GPHN: variants seen among roughly 807,000 people sequenced by gnomAD.
GPHN encodes the protein gephyrin.
GPHN carries 17 observed loss-of-function variants against 95.5 expected under a neutral mutation model. That is an observed-to-expected ratio of 0.18 (90% CI 0.12 to 0.27). The LOEUF (loss-of-function observed/expected upper bound fraction) is 0.27, where lower values mean the gene tolerates loss of function less well. GPHN is among the 10% of genes least tolerant of loss of function. The pLI is 1.00. For synonymous variants in GPHN, 320 were observed against 322.5 expected (o/e 0.99, Z 0.08); for missense variants, 660 against 978.1 (o/e 0.67, Z 4.34).
the GPHN span, among the ~76,000 whole-genome samples, chr14:67,497,354 C>T: frequency 1.3e-5 from 2 of 152,072 alleles, no homozygotes; most frequent in Admixed American, 1.3e-4. Flanking sequence ...ATACAAATAC[C>T]GAGACACTGT....
intron 4 of GPHN, among the ~76,000 whole-genome samples, chr14:66,859,037 C>T (rs958413273): frequency 2.2e-4 from 33 of 152,172 alleles, no homozygotes; most frequent in Middle Eastern, 3.4e-3. Flanking sequence ...TCCAGTCCCT[C>T]GCTCCCAGAC....
intron 16 of GPHN, among the ~76,000 whole-genome samples, chr14:67,119,066 G>T (rs965888192): frequency 1.3e-5 from 2 of 152,138 alleles, no homozygotes; most frequent in Non-Finnish European, 2.9e-5. Flanking sequence ...GTCGGAATTT[G>T]TAAAATAGGT....
chr14:67,548,967 C>T, the GPHN span, among the ~76,000 whole-genome samples: 2 of 152,164 alleles, frequency 1.3e-5, no homozygotes, highest in Non-Finnish European at 2.9e-5. Flanking sequence ...ATGGATGTTG[C>T]TCCTTCCACC....
chr14:67,546,466 T>C, the GPHN span, among the ~76,000 whole-genome samples: 2 of 152,120 alleles, frequency 1.3e-5, no homozygotes, highest in African/African-American at 4.8e-5. Context: ...CAGTGGCCCA[T>C]TGCAACCTCC....
At chr14:67,334,465 C>CATT in the GPHN span, 5 of 152,622 alleles carry the variant, frequency 3.3e-5, no homozygotes, top group Non-Finnish European at 5.9e-5. Context: ...ATACTGACAT[C>CATT]ATTTAATTTA....
chr14:66,926,646 A>G (rs2066499031), intron 8 of GPHN, among the ~76,000 whole-genome samples: 1 of 152,158 alleles, frequency 6.6e-6, no homozygotes, highest in African/African-American at 2.4e-5. Context: ...TGTATTAGCT[A>G]CTATAGCTCT....
At chr14:67,304,904 C>G in the GPHN span, among the ~76,000 whole-genome samples, 1 of 152,260 alleles carries the variant, frequency 6.6e-6, no homozygotes, top group East Asian at 1.9e-4. Context: ...AGAAAGAACA[C>G]AGTTTCATTT....
intron 2 of GPHN, among the ~76,000 whole-genome samples, chr14:66,764,498 C>T (rs990001267): frequency 6.6e-6 from 1 of 151,736 alleles, no homozygotes; most frequent in Non-Finnish European, 1.5e-5. Flanking sequence ...ATTAAGAAAA[C>T]GTGCCTAAAC....
At chr14:67,322,461 C>G in the GPHN span, among the ~76,000 whole-genome samples, 2 of 152,162 alleles carry the variant, frequency 1.3e-5, no homozygotes, top group Admixed American at 6.5e-5. Context: ...ATACGACTTT[C>G]CTTAATGTGG....
the GPHN span, among the ~76,000 whole-genome samples, chr14:67,730,696 T>C: frequency 6.6e-6 from 1 of 152,150 alleles, no homozygotes; most frequent in African/African-American, 2.4e-5. Flanking sequence ...TTCAGCCTCC[T>C]GGGTTCAAGC....
At chr14:67,220,549 T>C in the GPHN span, among the ~76,000 whole-genome samples, 2 of 152,296 alleles carry the variant, frequency 1.3e-5, no homozygotes, top group East Asian at 1.9e-4. Context: ...GAGTGAAAAA[T>C]GTTGGAAACT....
chr14:66,955,719 G>A (rs967407316), intron 8 of GPHN, among the ~76,000 whole-genome samples: 5 of 148,698 alleles, frequency 3.4e-5, no homozygotes, highest in Non-Finnish European at 6.0e-5. Flanking sequence ...CCCACCCCAC[G>A]ACAGGCCATG....
the GPHN span, chr14:67,650,562 T>TG: frequency 1.6e-6 from 1 of 641,428 alleles, no homozygotes; most frequent in Non-Finnish European, 2.8e-6. Flanking sequence ...GCCAAGAGGA[T>TG]GAGGTGCAAG....
chr14:66,550,029 C>T (rs2059756493), intron 1 of GPHN, among the ~76,000 whole-genome samples: 2 of 152,114 alleles, frequency 1.3e-5, no homozygotes, highest in South Asian at 4.1e-4. Flanking sequence ...TAGAGATATA[C>T]AAGGAGATTA....
the GPHN span, chr14:67,338,855 A>C: frequency 1.8e-6 from 2 of 1,107,824 alleles, no homozygotes; most frequent in Non-Finnish European, 2.5e-6. Flanking sequence ...GATAATAAAC[A>C]CATACCTAGA....
At chr14:67,586,543 G>A in the GPHN span, 1 of 629,704 alleles carries the variant, frequency 1.6e-6, no homozygotes, top group Middle Eastern at 4.2e-4. Flanking sequence ...TCCTTGTTGT[G>A]GGGAAGACCG....
chr14:67,322,556 G>T, the GPHN span, among the ~76,000 whole-genome samples: 2 of 152,168 alleles, frequency 1.3e-5, no homozygotes, highest in Non-Finnish European at 2.9e-5. Flanking sequence ...ACTCTAAAAT[G>T]GCTATTCTAA....
At chr14:67,347,502 C>CTTT in the GPHN span, 1,915 of 1,108,100 alleles carry the variant, frequency 1.7e-3, 1 homozygote, top group Middle Eastern at 2.6e-3. Flanking sequence ...TAAGTTCTCT[C>CTTT]TTTTTTTTTT....
the GPHN span, among the ~76,000 whole-genome samples, chr14:67,253,844 G>GA: frequency 0.013 from 1,494 of 116,356 alleles, 24 homozygotes; most frequent in African/African-American, 0.043. Flanking sequence ...GTCTCAAAAA[G>GA]AAAAAAAAAA....
Sources: allele counts gnomAD v4.1 joint callset (sites outside exome capture counted in the v4.1 genomes callset), GRCh38; gene constraint gnomAD v4.1.1; transcripts MANE v1.5; gene names NCBI Gene and HGNC (gene_info 2026-07-23, HGNC 2026-07-21).